GNB1: variants seen among roughly 807,000 people sequenced by gnomAD.
GNB1 encodes the protein G protein subunit beta 1.
GNB1 carries 2 observed loss-of-function variants against 42.9 expected under a neutral mutation model. The observed-to-expected ratio is 0.05, with a 90% confidence interval of 0.02 to 0.15. The LOEUF (loss-of-function observed/expected upper bound fraction) is 0.15, where lower values mean the gene tolerates loss of function less well. GNB1 is among the 10% of genes least tolerant of loss of function. The probability of loss-of-function intolerance (pLI) is 1.00; values close to 1 mark genes in which losing one functional copy is unlikely to be tolerated. For synonymous variants in GNB1, 183 were observed against 174.7 expected, an observed-to-expected ratio of 1.05 and a Z score of -0.38; for missense variants, 193 against 462.2, an observed-to-expected ratio of 0.42 and a Z score of 5.34.
chr1:1,797,962 C>T (rs566056759), intron 7 of GNB1, among the ~76,000 whole-genome samples: 1 of 152,322 alleles, frequency 6.6e-6, no homozygotes, highest in South Asian at 2.1e-4. Context: ...ACCTGTGCCG[C>T]CCCAGGATCG....
Position 1,786,906 on chromosome 1 carries a change from A to G in GNB1, c.*157T>C, listed in dbSNP as rs1257448877. The G allele has an allele frequency of 6.5e-6, 1 of 153,174 alleles. No individual in the cohort carries two copies. Among genetic ancestry groups the G allele is most frequent in the Non-Finnish European group, 1.5e-5 (1 of 68,412 alleles). The allele number at this position is 153,174 out of a possible 1,614,324, so 9.5% of individuals were successfully genotyped here. A position where few individuals can be genotyped will look rare whatever the true frequency, so the allele number is the denominator to read the frequency against. ...CAATGGGAATTGTGCTCTTGGTTTCAGCAATAAGTGAAGGAAAAAAGATCT... is the reference window on the plus strand; with the variant it reads ...CAATGGGAATTGTGCTCTTGGTTTCGGCAATAAGTGAAGGAAAAAAGATCT... On this transcript the variant is annotated 3_prime_UTR_variant, in exon 12 of 12. Transcript: ENST00000378609.
chr1:1,889,253 TTTC>T (rs1368984250), intron 1 of GNB1, among the ~76,000 whole-genome samples: 1 of 151,326 alleles, frequency 6.6e-6, no homozygotes, highest in Non-Finnish European at 1.5e-5. Context: ...ATCTTCATAT[TTTC>T]TTAATTAATA....
chr1:1,795,607 C>T (rs1390445452), intron 7 of GNB1, among the ~76,000 whole-genome samples: 1 of 151,956 alleles, frequency 6.6e-6, no homozygotes, highest in Non-Finnish European at 1.5e-5. Context: ...AATTAGCCAG[C>T]TGTGGTGGTG....
chr1:1,856,830 C>T (rs1478813328), intron 1 of GNB1, among the ~76,000 whole-genome samples: 1 of 152,204 alleles, frequency 6.6e-6, no homozygotes, highest in African/African-American at 2.4e-5. Context: ...TTTCTGAAAA[C>T]AGTTGATATT....
chr1:1,847,888 G>A (rs981504972), intron 1 of GNB1, among the ~76,000 whole-genome samples: 1 of 152,204 alleles, frequency 6.6e-6, no homozygotes, highest in African/African-American at 2.4e-5. Context: ...CTTGACAGAT[G>A]TCAGTACTTC....
chr1:1,799,204 G>A (rs1329723837), intron 7 of GNB1, among the ~76,000 whole-genome samples: 2 of 152,180 alleles, frequency 1.3e-5, no homozygotes, highest in African/African-American at 4.8e-5. Flanking sequence ...ACAGGCGTGA[G>A]CCACCGCGCC....
chr1:1,840,526 T>G (rs754003542), intron 1 of GNB1, among the ~76,000 whole-genome samples: 3 of 152,226 alleles, frequency 2.0e-5, no homozygotes, highest in Non-Finnish European at 4.4e-5. Flanking sequence ...AGACTCTGTC[T>G]CAAAACACAC....
At chr1:1,876,325 G>C (rs2101832567) in intron 1 of GNB1, among the ~76,000 whole-genome samples, 1 of 152,072 alleles carries the variant, frequency 6.6e-6, no homozygotes, top group South Asian at 2.1e-4. Flanking sequence ...TTTTTTAATA[G>C]AGACAGGGCT....
At chr1:1,822,568 G>C (rs1646945272) in intron 3 of GNB1, among the ~76,000 whole-genome samples, 1 of 152,010 alleles carries the variant, frequency 6.6e-6, no homozygotes, top group Admixed American at 6.6e-5. Context: ...ACATGCCTCA[G>C]CCTCCCAAAG....
At position 1,832,063 on chromosome 1, in the gene GNB1, C is replaced by CAAA. The variant is rs574314079; in HGVS notation, c.-46-6567_-46-6565dup. 2.0e-4 allele frequency among the ~76,000 whole-genome samples: 17 copies of CAAA among 87,080 alleles called. 1 individual carries two copies. The highest frequency in any genetic ancestry group is 6.7e-4 in the Admixed American group (5 of 7,480). 57.1% of individuals were successfully genotyped at this position (87,080 alleles called of 152,430 possible). A position where few individuals can be genotyped will look rare whatever the true frequency, so the allele number is the denominator to read the frequency against. ...GAGCACATGGAGTGAGACCTTGTCT[C>CAAA]AAAAAAAAAAAAAAAAGAAAAGAAA... On this transcript the variant is annotated intron_variant, in intron 2 of 11. Coordinates refer to ENST00000378609, the MANE Select transcript of GNB1 (RefSeq NM_002074.5).
intron 5 of GNB1, among the ~76,000 whole-genome samples, chr1:1,808,074 G>A (rs551979967): frequency 1.8e-4 from 28 of 151,732 alleles, no homozygotes; most frequent in African/African-American, 6.0e-4. Context: ...ATGGTGCGTC[G>A]GCTCACCGCA....
chr1:1,876,420 G>T (rs1208030026), intron 1 of GNB1, among the ~76,000 whole-genome samples: 1 of 151,726 alleles, frequency 6.6e-6, no homozygotes, highest in African/African-American at 2.4e-5. Flanking sequence ...TGGATAGCTG[G>T]GACTACAGGT....
At chr1:1,817,151 G>A (rs1456133843) in intron 4 of GNB1, among the ~76,000 whole-genome samples, 3 of 152,134 alleles carry the variant, frequency 2.0e-5, no homozygotes, top group Non-Finnish European at 4.4e-5. Context: ...CTCTGTCTCA[G>A]TGAATGTTAC....
intron 6 of GNB1, among the ~76,000 whole-genome samples, chr1:1,806,124 C>T (rs1646692738): frequency 6.6e-6 from 1 of 152,150 alleles, no homozygotes; most frequent in Non-Finnish European, 1.5e-5. Flanking sequence ...AAACTTGTAA[C>T]TGAATGAAAA....
intron 1 of GNB1, among the ~76,000 whole-genome samples, chr1:1,845,314 C>T (rs1200275992): frequency 2.6e-5 from 4 of 152,220 alleles, no homozygotes; most frequent in Non-Finnish European, 5.9e-5. Context: ...TGGCTCACGC[C>T]TGTAATCCCA....
chr1:1,788,852 G>A, intron 10 of GNB1: 1 of 555,562 alleles, frequency 1.8e-6, no homozygotes, highest in Non-Finnish European at 3.3e-6. Flanking sequence ...GACGCATGTG[G>A]GAAGATCTGC....
At position 1,851,026 on chromosome 1, in the gene GNB1, T is replaced by C. The variant is rs566477199; in HGVS notation, c.-95-11788A>G. Among the ~76,000 whole-genome samples the C allele has an allele frequency of 5.9e-5, 9 of 152,226 alleles. No individual in the cohort carries two copies. In the East Asian group the frequency reaches 1.5e-3, roughly 26 times the overall value. ...GGCTTACGCCTGTAATCCCAGCACTTTGGGAGGCCAAGGCGGGCGGATCAC... is the reference window on the plus strand; with the variant it reads ...GGCTTACGCCTGTAATCCCAGCACTCTGGGAGGCCAAGGCGGGCGGATCAC... On this transcript the variant is annotated intron_variant, in intron 1 of 11. Coordinates refer to ENST00000378609, the MANE Select transcript of GNB1 (RefSeq NM_002074.5).
intron 6 of GNB1, among the ~76,000 whole-genome samples, chr1:1,805,496 A>C (rs1324948281): frequency 6.6e-6 from 1 of 152,124 alleles, no homozygotes; most frequent in African/African-American, 2.4e-5. Context: ...ATTGGAAGGA[A>C]AACACTGCAT....
At chr1:1,797,983 G>A (rs535038951) in intron 7 of GNB1, among the ~76,000 whole-genome samples, 1 of 152,350 alleles carries the variant, frequency 6.6e-6, no homozygotes, top group East Asian at 1.9e-4. Flanking sequence ...GCTCCAAGGA[G>A]CAAAAACAAG....
Sources: gnomAD v4.1 joint callset for allele counts (sites outside exome capture counted in the v4.1 genomes callset) on GRCh38, gnomAD v4.1.1 for gene constraint, MANE v1.5 for transcripts, NCBI Gene and HGNC (gene_info 2026-07-23, HGNC 2026-07-21) for gene names.